The following ALDH1L1 variants were observed in gnomAD, a reference collection of about 807,000 sequenced individuals.
ALDH1L1 encodes cytosolic 10-formyltetrahydrofolate dehydrogenase.
ALDH1L1 carries 68 observed loss-of-function variants against 101.1 expected under a neutral mutation model. The observed-to-expected ratio is 0.67, with a 90% confidence interval of 0.55 to 0.82. The LOEUF (loss-of-function observed/expected upper bound fraction) is 0.82, where lower values mean the gene tolerates loss of function less well. Ranked by LOEUF, ALDH1L1 falls within the 40% of genes least tolerant of loss-of-function variation. The pLI, the probability that ALDH1L1 is intolerant of heterozygous loss-of-function variation, is 0.00. For synonymous variants in ALDH1L1, 486 were observed against 470.8 expected (o/e 1.03, Z -0.42); for missense variants, 1,087 against 1,172.7 (o/e 0.93, Z 1.07).
At chr3:126,117,903 C>T (rs568445933) in intron 17 of ALDH1L1, 102 bp downstream of exon 17, 2 of 1,175,120 alleles carry the variant, frequency 1.7e-6, no homozygotes, top group Admixed American at 2.0e-5. Context: ...AGTGGCTGTG[C>T]CCTGGAGCCT....
intron 10 of ALDH1L1, 41 bp downstream of exon 10, chr3:126,137,772 G>C (rs769535666): frequency 2.0e-5 from 32 of 1,600,058 alleles, no homozygotes; most frequent in Non-Finnish European, 2.5e-5. Flanking sequence ...AGCTGCCTGA[G>C]GGCTCTGCAG....
At chr3:126,110,568 A>C (rs1235357321) in intron 19 of ALDH1L1, among the ~76,000 whole-genome samples, 1 of 152,186 alleles carries the variant, frequency 6.6e-6, no homozygotes, top group Middle Eastern at 3.4e-3. Flanking sequence ...GAAAGAAATT[A>C]AGTGAAGGGG....
chr3:126,147,732 C>T (rs1197562606), intron 8 of ALDH1L1, among the ~76,000 whole-genome samples: 2 of 152,168 alleles, frequency 1.3e-5, no homozygotes, highest in Admixed American at 6.5e-5. Context: ...GCATGAGATG[C>T]TGGTCCAGGC....
Position 126,103,830 on chromosome 3 carries a change from G to A in ALDH1L1, c.2670C>T (p.Asn890=), listed in dbSNP as rs372907564. Residue 890 remains asparagine, a synonymous_variant, in exon 23 of 23, where the codon AAC becomes AAT. Transcript: ENST00000393434. ...TCACTGTCTTGACCCGCAGGTACTC[G>A]TTCAGAGCCGCCTCTCCTGTAAGAC... ...FGKDLGEAAL[N]EYLRVKTVTF... The A allele has an allele frequency of 7.4e-6, 12 of 1,613,304 alleles. No individual in the cohort carries two copies. Among genetic ancestry groups the A allele is most frequent in the African/African-American group, 1.3e-5 (1 of 74,904 alleles).
chr3:126,112,660 T>G, intron 19 of ALDH1L1, 122 bp downstream of exon 19: 1 of 857,380 alleles, frequency 1.2e-6, no homozygotes. Flanking sequence ...CCGGGGGGAG[T>G]GTCCTCCAGG....
chr3:126,112,916 C>T, intron 18 of ALDH1L1, 36 bp from the exon 19 acceptor site: 1 of 1,594,190 alleles, frequency 6.3e-7, no homozygotes, highest in South Asian at 1.1e-5. Context: ...GGTCACTGCT[C>T]CTCCTGGGAC....
chr3:126,172,007 G>T (rs544768718), intron 1 of ALDH1L1, among the ~76,000 whole-genome samples: 1 of 152,200 alleles, frequency 6.6e-6, no homozygotes, highest in East Asian at 1.9e-4. Context: ...AAAGACAACA[G>T]GGTAGACAAA....
At chr3:126,153,271 T>A (rs1368730589) in intron 7 of ALDH1L1, 173 bp downstream of exon 7, 5 of 961,490 alleles carry the variant, frequency 5.2e-6, no homozygotes, top group Non-Finnish European at 8.0e-6. Flanking sequence ...TCGGACACCC[T>A]GTGCTCAGGA....
At chr3:126,185,465 G>T (rs1192088405), upstream of ALDH1L1, among the ~76,000 whole-genome samples, 1 of 152,258 alleles carries the variant, frequency 6.6e-6, no homozygotes, top group African/African-American at 2.4e-5. Flanking sequence ...CATGAAGAAA[G>T]CGGGTCTGGG....
intron 9 of ALDH1L1, 90 bp downstream of exon 9, chr3:126,146,745 C>A: frequency 7.1e-7 from 1 of 1,411,706 alleles, no homozygotes; most frequent in South Asian, 1.3e-5. Context: ...ATGAGTGTAA[C>A]AAATGGTTGT....
At chr3:126,174,281 C>G (rs559632049) in intron 1 of ALDH1L1, among the ~76,000 whole-genome samples, 1 of 152,206 alleles carries the variant, frequency 6.6e-6, no homozygotes, top group African/African-American at 2.4e-5. Context: ...CTGCCCACCT[C>G]GGCCTCCCAA....
chr3:126,182,488 T>C (rs1431142642), upstream of ALDH1L1, among the ~76,000 whole-genome samples: 1 of 152,132 alleles, frequency 6.6e-6, no homozygotes, highest in African/African-American at 2.4e-5. Context: ...CTGGGATTGC[T>C]TGATTAACAT....
upstream of ALDH1L1, chr3:126,181,069 C>G: frequency 6.7e-7 from 1 of 1,496,020 alleles, no homozygotes; most frequent in Admixed American, 2.0e-5. Context: ...GGGTGGATAG[C>G]GGCGCTTCTG....
intron 19 of ALDH1L1, 31 bp downstream of exon 19, chr3:126,112,751 A>G: frequency 3.1e-6 from 5 of 1,602,972 alleles, no homozygotes; most frequent in Non-Finnish European, 4.3e-6. Context: ...CCAGTGAACC[A>G]GCCGCCCGCA....
chr3:126,184,186 C>T (rs1354112148), upstream of ALDH1L1, among the ~76,000 whole-genome samples: 2 of 152,204 alleles, frequency 1.3e-5, no homozygotes, highest in Non-Finnish European at 2.9e-5. Flanking sequence ...TGTCCCAGGA[C>T]TATATGATAC....
intron 1 of ALDH1L1, among the ~76,000 whole-genome samples, chr3:126,193,677 T>A (rs937592382): frequency 6.6e-6 from 1 of 152,228 alleles, no homozygotes; most frequent in African/African-American, 2.4e-5. Flanking sequence ...CAGAGTTATA[T>A]TCTCTTGAAT....
Position 126,105,853 on chromosome 3 carries a change from G to A in ALDH1L1, c.2526C>T (p.Asp842=). 1 of 1,614,184 alleles carries A rather than the reference G, an allele frequency of 6.2e-7. No homozygotes were observed. The highest frequency in any genetic ancestry group is 8.5e-7 in the Non-Finnish European group (1 of 1,180,038). Residue 842 remains aspartate (D), a synonymous_variant, in exon 22 of 23, where the codon GAC becomes GAT. Coordinates refer to ENST00000393434, the MANE Select transcript of ALDH1L1 (RefSeq NM_012190.4). The part of the protein sequence containing the change: ...FGLASGVFTR[D]INKALYVSDK... Reference sequence around the variant, plus strand: ...CACTGACATACAGGGCCTTGTTGATGTCCCTGGTGAAGACACCAGAAGCCA... The same window carrying A: ...CACTGACATACAGGGCCTTGTTGATATCCCTGGTGAAGACACCAGAAGCCA...
intron 17 of ALDH1L1, 137 bp from the exon 18 acceptor site, chr3:126,114,793 T>TCC: frequency 1.7e-5 from 10 of 595,648 alleles, no homozygotes; most frequent in South Asian, 7.7e-5. Context: ...GCCTCCCCAC[T>TCC]CCCCCCCACC....
At chr3:126,183,838 T>C (rs1457185079), upstream of ALDH1L1, among the ~76,000 whole-genome samples, 1 of 152,176 alleles carries the variant, frequency 6.6e-6, no homozygotes, top group Non-Finnish European at 1.5e-5. Context: ...CATCAAAGCC[T>C]GATTTAGATG....
Sources: gnomAD v4.1 joint callset for allele counts (sites outside exome capture counted in the v4.1 genomes callset) on GRCh38, gnomAD v4.1.1 for gene constraint, MANE v1.5 for transcripts, NCBI Gene and HGNC (gene_info 2026-07-23, HGNC 2026-07-21) for gene names.